The following KIAA0825 variants were observed in gnomAD, a reference collection of about 807,000 sequenced individuals.
KIAA0825 encodes KIAA0825.
Under a neutral mutation model 147.6 loss-of-function variants are expected in KIAA0825, and 119 were observed. The observed-to-expected ratio is 0.81, with a 90% CI of 0.69 to 0.94. KIAA0825 has a LOEUF of 0.94. Among genes scored for constraint, KIAA0825 ranks in the 40% least tolerant of loss-of-function variants. The pLI is 0.00. For synonymous variants in KIAA0825, 470 were observed against 518.1 expected, an observed-to-expected ratio of 0.91 and a Z score of 1.26; for missense variants, 1,381 against 1,472.7, an observed-to-expected ratio of 0.94 and a Z score of 1.02.
intron 10 of KIAA0825, among the ~76,000 whole-genome samples, chr5:94,466,394 C>A (rs1185339109): frequency 6.6e-6 from 1 of 152,098 alleles, no homozygotes; most frequent in Non-Finnish European, 1.5e-5. Context: ...GGGACTTTGG[C>A]CACTGACTTC....
intron 20 of KIAA0825, among the ~76,000 whole-genome samples, chr5:94,224,082 C>CTTTTCTTTTTTTTTT (rs1773931998): frequency 1.8e-5 from 1 of 56,434 alleles, no homozygotes; most frequent in African/African-American, 6.8e-5. Context: ...TTTTTCTTTT[C>CTTTTCTTTTTTTTTT]TTTTTTTTTT....
chr5:94,560,267 T>C (rs964890063), intron 2 of KIAA0825, among the ~76,000 whole-genome samples: 1 of 152,218 alleles, frequency 6.6e-6, no homozygotes. Context: ...AATAAATTCA[T>C]GTGTCTTTTC....
chr5:94,429,258 T>C (rs1035878473), intron 14 of KIAA0825, among the ~76,000 whole-genome samples: 1 of 152,226 alleles, frequency 6.6e-6, no homozygotes, highest in Admixed American at 6.5e-5. Flanking sequence ...TGTCACTATA[T>C]TTAGATTTTT....
intron 2 of KIAA0825, among the ~76,000 whole-genome samples, chr5:94,540,507 C>T (rs1241740286): frequency 1.3e-5 from 2 of 152,172 alleles, no homozygotes; most frequent in Non-Finnish European, 2.9e-5. Context: ...GTTCAGGGTC[C>T]AATTCCCGCC....
intron 20 of KIAA0825, among the ~76,000 whole-genome samples, chr5:94,248,104 C>T (rs1357205970): frequency 1.3e-5 from 2 of 151,962 alleles, no homozygotes; most frequent in Admixed American, 1.3e-4. Flanking sequence ...ATGGAATGTG[C>T]AAGTAGAATA....
intron 5 of KIAA0825, among the ~76,000 whole-genome samples, chr5:94,516,022 ATGTAT>A (rs1253117669): frequency 1.6e-4 from 25 of 152,312 alleles, no homozygotes; most frequent in Admixed American, 1.3e-3. Flanking sequence ...ACACTTCTAA[ATGTAT>A]TGTAATACTA....
At chr5:94,347,391 G>A (rs577295171) in intron 20 of KIAA0825, among the ~76,000 whole-genome samples, 102 of 152,282 alleles carry the variant, frequency 6.7e-4, no homozygotes, top group African/African-American at 2.4e-3. Flanking sequence ...AAACCCTCAC[G>A]GAGTTCATTG....
intron 20 of KIAA0825, among the ~76,000 whole-genome samples, chr5:94,261,732 A>G (rs1776502217): frequency 6.6e-6 from 1 of 152,104 alleles, no homozygotes; most frequent in African/African-American, 2.4e-5. Context: ...ATCATCCCTG[A>G]ACATATCTCT....
chr5:94,551,941 T>C (rs2152259161), intron 2 of KIAA0825, among the ~76,000 whole-genome samples: 1 of 152,130 alleles, frequency 6.6e-6, no homozygotes, highest in South Asian at 2.1e-4. Context: ...ATAATAACCT[T>C]GAATGAAAAT....
intron 15 of KIAA0825, 64 bp from the exon 16 acceptor site, chr5:94,403,857 C>T: frequency 7.4e-7 from 1 of 1,351,520 alleles, no homozygotes; most frequent in Admixed American, 2.0e-5. Context: ...CCTTGCTCAA[C>T]TAGAATTCAG....
chr5:94,436,009 T>C (rs932766759), intron 14 of KIAA0825, among the ~76,000 whole-genome samples: 2 of 152,242 alleles, frequency 1.3e-5, no homozygotes, highest in Admixed American at 1.3e-4. Flanking sequence ...AAGTTCATTA[T>C]AGATGCTGGA....
intron 6 of KIAA0825, among the ~76,000 whole-genome samples, chr5:94,481,214 T>TC (rs1235718871): frequency 6.6e-6 from 1 of 152,046 alleles, no homozygotes; most frequent in African/African-American, 2.4e-5. Flanking sequence ...GTGCAGAGGG[T>TC]CACAAGAATG....
At chr5:94,572,165 A>C (rs773560049) in intron 2 of KIAA0825, among the ~76,000 whole-genome samples, 2 of 152,094 alleles carry the variant, frequency 1.3e-5, no homozygotes, top group Non-Finnish European at 2.9e-5. Flanking sequence ...GGCAAGAGTA[A>C]ATAAAGACTG....
chr5:94,303,142 A>G lies in KIAA0825; in HGVS notation c.3710+81226T>C, dbSNP rs181234125. ...CTGAGGCCTAACTTTTTTACCACAC[A>G]CAATTTTTACAATGCTACCTAGTTT... is the stretch of plus-strand genomic sequence containing the variant. On this transcript the variant is annotated intron_variant, in intron 20 of 20. Coordinates refer to ENST00000682413, the MANE Select transcript of KIAA0825 (RefSeq NM_001145678.3). 3.9e-4 allele frequency among the ~76,000 whole-genome samples: 60 copies of G among 152,094 alleles called. No individual in the cohort carries two copies. In the East Asian group the frequency reaches 0.011, roughly 27 times the overall value.
chr5:94,502,298 A>G (rs1765189968), intron 5 of KIAA0825, among the ~76,000 whole-genome samples: 1 of 152,208 alleles, frequency 6.6e-6, no homozygotes, highest in Admixed American at 6.5e-5. Flanking sequence ...CCAGCAAGTC[A>G]ACAATCTATT....
At chr5:94,505,377 A>T (rs1467745479) in intron 5 of KIAA0825, among the ~76,000 whole-genome samples, 1 of 151,834 alleles carries the variant, frequency 6.6e-6, no homozygotes, top group African/African-American at 2.4e-5. Context: ...AAAAAAAAAA[A>T]AGTTAATCTC....
At chr5:94,157,241 T>C (rs1408619164) in intron 20 of KIAA0825, among the ~76,000 whole-genome samples, 1 of 152,132 alleles carries the variant, frequency 6.6e-6, no homozygotes, top group East Asian at 1.9e-4. Flanking sequence ...ATTGCTGAAT[T>C]CCCCCACCTG....
intron 20 of KIAA0825, among the ~76,000 whole-genome samples, chr5:94,282,723 A>G (rs1170165627): frequency 3.3e-5 from 5 of 152,110 alleles, no homozygotes; most frequent in African/African-American, 1.2e-4. Context: ...TTAACAAAAT[A>G]CAACCTGCCT....
At chr5:94,264,414 T>A (rs1157507570) in intron 20 of KIAA0825, among the ~76,000 whole-genome samples, 2 of 152,208 alleles carry the variant, frequency 1.3e-5, no homozygotes, top group Non-Finnish European at 2.9e-5. Context: ...AATGAATAGA[T>A]AACCTTCTAT....
Sources: gnomAD v4.1 joint callset for allele counts (sites outside exome capture counted in the v4.1 genomes callset) on GRCh38, gnomAD v4.1.1 for gene constraint, MANE v1.5 for transcripts, NCBI Gene and HGNC (gene_info 2026-07-23, HGNC 2026-07-21) for gene names.